MTTP: variants seen among roughly 807,000 people sequenced by gnomAD.
MTTP encodes microsomal triglyceride transfer protein.
MTTP carries 49 observed loss-of-function variants against 90.6 expected under a neutral mutation model. The observed-to-expected ratio is 0.54, with a 90% confidence interval of 0.43 to 0.69. MTTP has a LOEUF of 0.69. Ranked by LOEUF, MTTP falls within the 30% of genes least tolerant of loss-of-function variation. The pLI is 0.00. For missense variants in MTTP, 945 were observed against 1,067.5 expected (o/e 0.89, Z 1.60); for synonymous variants, 347 against 384.2 (o/e 0.90, Z 1.13).
chr4:99,576,673 C>T (rs1724970613), intron 1 of MTTP, among the ~76,000 whole-genome samples: 1 of 113,682 alleles, frequency 8.8e-6, no homozygotes, highest in East Asian at 2.5e-4. Flanking sequence ...CCAGCCTGGG[C>T]GACAGAGCGA....
rs947768956 is a variant in MTTP at position 99,623,064 on chromosome 4, A to C, written c.*216A>C. 4 of 588,328 alleles carry C rather than the reference A, an allele frequency of 6.8e-6. No individual in the cohort carries two copies. The Admixed American group carries it at 1.1e-4, about 16-fold the overall frequency. The allele number at this position is 588,328 out of a possible 1,614,324, so 36.4% of individuals were successfully genotyped here. A position where few individuals can be genotyped will look rare whatever the true frequency, so the allele number is the denominator to read the frequency against. On this transcript the variant is annotated 3_prime_UTR_variant, in exon 18 of 18. Coordinates refer to ENST00000265517, the MANE Select transcript of MTTP (RefSeq NM_001386140.1). ...TGAATCATCATGTGACGCTTTCAAC[A>C]ACGTTCTTAGTTTACTTATACCTCT...
chr4:99,601,012 G>T (rs992002451), intron 9 of MTTP, among the ~76,000 whole-genome samples: 2 of 152,134 alleles, frequency 1.3e-5, no homozygotes, highest in Non-Finnish European at 2.9e-5. Flanking sequence ...CAGAATTTCA[G>T]AGGGGAGAAA....
chr4:99,567,886 G>A (rs1724741245), intron 1 of MTTP, among the ~76,000 whole-genome samples: 1 of 151,962 alleles, frequency 6.6e-6, no homozygotes. Context: ...TAAAAATACA[G>A]AATAACTTAG....
intron 14 of MTTP, among the ~76,000 whole-genome samples, chr4:99,612,122 T>A (rs375792732): frequency 1.3e-4 from 20 of 152,220 alleles, no homozygotes; most frequent in African/African-American, 4.8e-4. Flanking sequence ...TTTAAGTTTT[T>A]AAAATGATCC....
chr4:99,621,241 A>G lies in MTTP; in HGVS notation c.2513+10A>G, dbSNP rs753282877. 4 of 1,613,902 alleles carry G rather than the reference A, an allele frequency of 2.5e-6. No homozygotes were observed. The South Asian group carries it at 4.4e-5, about 18-fold the overall frequency. On this transcript the variant is annotated intron_variant, in intron 17 of 17. Coordinates refer to ENST00000265517, the MANE Select transcript of MTTP (RefSeq NM_001386140.1). ...ATGAAGCTCCATTCAGGTAAGATGCAGCGTTCAGGTCATGTTCCAGGACCA... is the reference window on the plus strand; with the variant it reads ...ATGAAGCTCCATTCAGGTAAGATGCGGCGTTCAGGTCATGTTCCAGGACCA...
At position 99,623,283 on chromosome 4, in the gene MTTP, GAAAA is replaced by G. The variant is rs545365701; in HGVS notation, c.*451_*454del. Reference sequence around the variant, plus strand: ...AAAACCAAACACGTTCCCTAATCAGGAAAAAAAAAAAAAAAAAAAGTAAGACACA... The same window carrying G: ...AAAACCAAACACGTTCCCTAATCAGGAAAAAAAAAAAAAAAGTAAGACACA... On this transcript the variant is annotated 3_prime_UTR_variant, in exon 18 of 18. Coordinates refer to ENST00000265517, the MANE Select transcript of MTTP (RefSeq NM_001386140.1). 3.5e-4 allele frequency: 36 copies of G among 103,960 alleles called. No homozygotes were observed. Among genetic ancestry groups the G allele is most frequent in the South Asian group, 6.2e-4 (2 of 3,230 alleles). The allele number at this position is 103,960 out of a possible 1,614,324, so 6.4% of individuals were successfully genotyped here. A position where few individuals can be genotyped will look rare whatever the true frequency, so the allele number is the denominator to read the frequency against.
rs763706597 is a variant in MTTP, at chr4:99,600,744, T to C, written c.1236+11T>C. The C allele has an allele frequency of 3.1e-6, 5 of 1,612,606 alleles. No homozygotes were observed. Among genetic ancestry groups the C allele is most frequent in the Non-Finnish European group, 4.2e-6 (5 of 1,179,078 alleles). On this transcript the variant is annotated intron_variant, in intron 9 of 17. Transcript: ENST00000265517. ...CTGAGAGCCCTCATTGTAAGTCAAATAGAAAATAAAGACCCTCAACTCCTA... is the reference window on the plus strand; with the variant it reads ...CTGAGAGCCCTCATTGTAAGTCAAACAGAAAATAAAGACCCTCAACTCCTA...
At position 99,613,037 on chromosome 4, in the gene MTTP, C is replaced by T; in HGVS notation, c.2114C>T (p.Thr705Ile). ...ILFDVQLRPV[T>I]FFNGYSDLMS... ...TTTGATGTTCAGCTCAGACCTGTCACCTTTTTCAACGGATACAGTGATTTG... is the reference window on the plus strand; with the variant it reads ...TTTGATGTTCAGCTCAGACCTGTCATCTTTTTCAACGGATACAGTGATTTG... The change falls in exon 15 of 18, where the codon ACC (threonine) becomes ATC (isoleucine). Residue 705 changes from threonine (T) to isoleucine (I), a missense_variant. By Grantham distance (89) the Thr-to-Ile change is moderately conservative (BLOSUM62 -1). Coordinates refer to ENST00000265517, the MANE Select transcript of MTTP (RefSeq NM_001386140.1). 6.2e-7 allele frequency: 1 copy of T among 1,614,084 alleles called. No homozygotes were observed. The highest frequency in any genetic ancestry group is 1.1e-5 in the South Asian group (1 of 91,084).
chr4:99,622,436 G>A (rs1726259113), intron 17 of MTTP, among the ~76,000 whole-genome samples: 1 of 152,144 alleles, frequency 6.6e-6, no homozygotes, highest in Admixed American at 6.6e-5. Context: ...AATGAATTTA[G>A]TCTTTCATTC....
intron 10 of MTTP, 27 bp downstream of exon 10, chr4:99,601,741 T>A: frequency 6.8e-7 from 1 of 1,472,998 alleles, no homozygotes; most frequent in Non-Finnish European, 9.5e-7. Context: ...TCTCATGTAT[T>A]ACATCATTCT....
Position 99,594,793 on chromosome 4 carries a change from T to C in MTTP, c.819T>C (p.Ala273=). ...CAAGATTGATGTCTGGAAAGCAGGC[T>C]GCAGCCATAATCAAAGCAGTTGATT... is the stretch of plus-strand genomic sequence containing the variant. ...AGPRLMSGKQ[A]AAIIKAVDSK... Residue 273 remains alanine (A), a synonymous_variant, in exon 7 of 18, where the codon GCT becomes GCC. Transcript: ENST00000265517. 6.2e-7 allele frequency: 1 copy of C among 1,614,092 alleles called. No homozygotes were observed. The highest frequency in any genetic ancestry group is 8.5e-7 in the Non-Finnish European group (1 of 1,179,946).
At position 99,606,770 on chromosome 4, in the gene MTTP, T is replaced by C; in HGVS notation, c.1367T>C (p.Leu456Ser). 6.2e-7 allele frequency: 1 copy of C among 1,613,764 alleles called. No individual in the cohort carries two copies. The highest frequency in any genetic ancestry group is 8.5e-7 in the Non-Finnish European group (1 of 1,179,984). ...CAGGCAGTAGTGGAAGCTAAGAAGT[T>C]AATCCTGGGAGGACTTGAAAAAGCA... ...KLKAVVEAKK[L>S]ILGGLEKAEK... Residue 456 changes from leucine to serine, a missense_variant, in exon 11 of 18, where the codon TTA (leucine) becomes TCA (serine). By Grantham distance (145) the Leu-to-Ser change is moderately radical (BLOSUM62 -2). Transcript: ENST00000265517.
In MTTP at chr4:99,615,996, C is replaced by CT. The variant is rs200855101; in HGVS notation, c.2217+2865dup. Among the ~76,000 whole-genome samples the CT allele has an allele frequency of 1.9e-3, 285 of 151,612 alleles. 1 individual carries two copies. The highest frequency in any genetic ancestry group is 5.5e-3 in the African/African-American group (227 of 41,374). On this transcript the variant is annotated intron_variant, in intron 15 of 17. Transcript: ENST00000265517. ...GGACATAAACCTATGCTCTCTCTCT[C>CT]TTTTTTTTTCCTTTTTTGCAATATT... is the stretch of plus-strand genomic sequence containing the variant.
At chr4:99,584,348 C>T (rs72908704) in intron 3 of MTTP, among the ~76,000 whole-genome samples, 3,701 of 152,098 alleles carry the variant, frequency 0.024, 150 homozygotes, top group African/African-American at 0.084. Flanking sequence ...TAATTCCATA[C>T]GTCTCTGAAA....
At chr4:99,565,272 C>T (rs1159862484) in intron 1 of MTTP, among the ~76,000 whole-genome samples, 5 of 152,080 alleles carry the variant, frequency 3.3e-5, no homozygotes, top group Non-Finnish European at 7.4e-5. Flanking sequence ...TACCTGGCCT[C>T]CTTAGATATT....
intron 1 of MTTP, among the ~76,000 whole-genome samples, chr4:99,576,208 GACTT>G (rs1452165142): frequency 3.3e-5 from 5 of 152,072 alleles, no homozygotes; most frequent in African/African-American, 1.2e-4. Flanking sequence ...TTATATAGAG[GACTT>G]ACTATTTCAT....
chr4:99,610,890 G>A (rs1014017326), intron 12 of MTTP, among the ~76,000 whole-genome samples: 3 of 152,100 alleles, frequency 2.0e-5, no homozygotes, highest in African/African-American at 4.8e-5. Context: ...GTCAACTTAA[G>A]CCACCTCAAA....
Position 99,608,979 on chromosome 4 carries a change from T to C in MTTP, c.1769+2T>C, listed in dbSNP as rs1311654148. On this transcript the variant is annotated splice_donor_variant, in intron 12 of 17. Coordinates refer to ENST00000265517, the MANE Select transcript of MTTP (RefSeq NM_001386140.1). LOFTEE classifies it high-confidence loss of function. ...CCTACGTTTTGAAATGCCTGCAAGG[T>C]ATAATACATTGCACATGTCTCTCTG... 1 of 1,611,474 alleles carries C rather than the reference T, an allele frequency of 6.2e-7. No homozygotes were observed. The highest frequency in any genetic ancestry group is 1.3e-5 in the African/African-American group (1 of 74,970).
intron 1 of MTTP, among the ~76,000 whole-genome samples, chr4:99,580,703 G>T: frequency 6.6e-6 from 1 of 151,374 alleles, no homozygotes; most frequent in Non-Finnish European, 1.5e-5. Flanking sequence ...TAATAATAGT[G>T]CCTACCTCAT....
Sources: allele counts gnomAD v4.1 joint callset (sites outside exome capture counted in the v4.1 genomes callset), GRCh38; gene constraint gnomAD v4.1.1; transcripts MANE v1.5; gene names NCBI Gene and HGNC (gene_info 2026-07-23, HGNC 2026-07-21).